The following TRIM3 variants were observed in gnomAD, a reference collection of about 807,000 sequenced individuals.
TRIM3 encodes the protein tripartite motif-containing protein 3.
TRIM3 carries 13 observed loss-of-function variants against 66.6 expected under a neutral mutation model. That is an observed-to-expected ratio of 0.20 (90% CI 0.13 to 0.31). The LOEUF (loss-of-function observed/expected upper bound fraction) is 0.31. Among genes scored for constraint, TRIM3 ranks in the 10% least tolerant of loss-of-function variants. TRIM3 has a pLI of 1.00. For missense variants in TRIM3, 711 were observed against 1,020.4 expected (o/e 0.70, Z 4.13); for synonymous variants, 406 against 411.7 (o/e 0.99, Z 0.17).
In TRIM3 at chr11:6,456,081, C is replaced by A; in HGVS notation, c.1524G>T (p.Gln508His). ...CGGTAAAGGTGCTTACCTGAATACA[C>A]TGGTTGTTGCTGTCTGCTACCACGA... is the stretch of plus-strand genomic sequence containing the variant. Reference protein sequence around the residue: ...GRIVVADSNNQCIQVFSNEGQ... With the variant: ...GRIVVADSNNHCIQVFSNEGQ... The change falls in exon 7 of 12, where the codon CAG (glutamine) becomes CAT (histidine). Residue 508 changes from glutamine (Q) to histidine (H), a missense_variant. Coordinates refer to ENST00000345851, the MANE Select transcript of TRIM3 (RefSeq NM_033278.4). The surrounding 1 kb of genome is among the most constrained non-coding windows in gnomAD (Gnocchi z 6.4). 6.2e-7 allele frequency: 1 copy of A among 1,614,152 alleles called. No homozygotes were observed. The highest frequency in any genetic ancestry group is 8.5e-7 in the Non-Finnish European group (1 of 1,180,014).
chr11:6,457,080 C>A lies in TRIM3; in HGVS notation c.697-51G>T. On this transcript the variant is annotated intron_variant, in intron 5 of 11. Transcript: ENST00000345851. The surrounding 1 kb of genome is among the most constrained non-coding windows in gnomAD (Gnocchi z 4.5). ...GTGAGCAGACTGGCACAGGGGGAGT[C>A]TCTGTGATTACTGAAGTTGTAGCAC... 4 of 1,551,692 alleles carry A rather than the reference C, an allele frequency of 2.6e-6. No homozygotes were observed. The highest frequency in any genetic ancestry group is 3.5e-6 in the Non-Finnish European group (4 of 1,150,810).
At chr11:6,464,175 C>G (rs772041431) in intron 2 of TRIM3, among the ~76,000 whole-genome samples, 3 of 152,188 alleles carry the variant, frequency 2.0e-5, no homozygotes, top group Non-Finnish European at 4.4e-5. Context: ...GTGAAATTCC[C>G]TAACAGGTCT....
rs576656382 is a variant in TRIM3 at position 6,468,235 on chromosome 11, T to G, written c.-37-2503A>C. Among the ~76,000 whole-genome samples the G allele has an allele frequency of 2.0e-5, 3 of 152,354 alleles. No individual in the cohort carries two copies. The East Asian group carries it at 5.8e-4, about 29-fold the overall frequency. ...ATTTTAGCAAGTGATGGGCCATGAA[T>G]AGAGACAGTGAAAGCTGAGGTGGAG... On this transcript the variant is annotated intron_variant, in intron 1 of 11. Coordinates refer to ENST00000345851, the MANE Select transcript of TRIM3 (RefSeq NM_033278.4).
rs1451262415 is a variant in TRIM3 at position 6,451,466 on chromosome 11, C to T, written c.1534-28G>A. ...GGAGCAGAGGAGCAAGGGGAGGGAG[C>T]AGGTAGGAGGGGAGACACTGTGGGC... On this transcript the variant is annotated intron_variant, in intron 7 of 11. Transcript: ENST00000345851. 4 of 1,611,348 alleles carry T rather than the reference C, an allele frequency of 2.5e-6. No homozygotes were observed. The Admixed American group carries it at 5.0e-5, about 20-fold the overall frequency.
In TRIM3 at chr11:6,449,781, C is replaced by G. The variant is rs1367083295; in HGVS notation, c.1942-335G>C. 3.8e-6 allele frequency: 1 copy of G among 260,588 alleles called. No individual in the cohort carries two copies. Among genetic ancestry groups the G allele is most frequent in the Non-Finnish European group, 7.4e-6 (1 of 135,992 alleles). 16.1% of individuals were successfully genotyped at this position (260,588 alleles called of 1,614,324 possible). A position where few individuals can be genotyped will look rare whatever the true frequency, so the allele number is the denominator to read the frequency against. ...TTGATAGGCCAATGAATTAACACAA[C>G]TCTTGATTCCATCTCAAATCCCTCT... On this transcript the variant is annotated intron_variant, in intron 10 of 11. Transcript: ENST00000345851. The surrounding 1 kb of genome is among the most constrained non-coding windows in gnomAD (Gnocchi z 5.3).
At position 6,450,940 on chromosome 11, in the gene TRIM3, G is replaced by C. The variant is rs563863888; in HGVS notation, c.1822C>G (p.Leu608Val). The C allele has an allele frequency of 1.2e-6, 2 of 1,614,206 alleles. No homozygotes were observed. The highest frequency in any genetic ancestry group is 1.1e-5 in the South Asian group (1 of 91,086). Residue 608 changes from leucine to valine, a missense_variant, in exon 9 of 12, where the codon CTG becomes GTG. Coordinates refer to ENST00000345851, the MANE Select transcript of TRIM3 (RefSeq NM_033278.4). The surrounding 1 kb of genome is among the most constrained non-coding windows in gnomAD (Gnocchi z 4.8). ...CCACGGCCCCCAAAACGGCCAACCA[G>C]TTTGCCATTGGGCTGGAAGGTAAAG... Reference protein sequence around the residue: ...CVFTFQPNGKLVGRFGGRGAT... With the variant: ...CVFTFQPNGKVVGRFGGRGAT...
intron 2 of TRIM3, among the ~76,000 whole-genome samples, chr11:6,463,305 A>G (rs1850320981): frequency 6.6e-6 from 1 of 152,254 alleles, no homozygotes; most frequent in African/African-American, 2.4e-5. Context: ...TTAATAAAGT[A>G]TCTGTTGCAG....
intron 1 of TRIM3, among the ~76,000 whole-genome samples, chr11:6,472,931 G>C (rs1320824891): frequency 6.6e-6 from 1 of 152,158 alleles, no homozygotes; most frequent in Non-Finnish European, 1.5e-5. Flanking sequence ...GAGCTAGACA[G>C]ACTGGCCAAG....
chr11:6,457,769 T>C lies in TRIM3; in HGVS notation c.442A>G (p.Thr148Ala). ...CRAGEHREHG[T>A]VLLRDVVEQH... The stretch of plus-strand genomic sequence containing the variant: ...TCCACCACATCCCTCAGCAGCACTG[T>C]GCCATGCTCACGATGCTCCCCGGCG... Residue 148 changes from threonine to alanine, a missense_variant, in exon 4 of 12, where the codon ACA (threonine) becomes GCA (alanine). Coordinates refer to ENST00000345851, the MANE Select transcript of TRIM3 (RefSeq NM_033278.4). This position sits in a 1 kb window ranked among gnomAD's most constrained non-coding sequence, Gnocchi z 4.5. 2 of 1,614,206 alleles carry C rather than the reference T, an allele frequency of 1.2e-6. No individual in the cohort carries two copies. Among genetic ancestry groups the C allele is most frequent in the Non-Finnish European group, 1.7e-6 (2 of 1,180,026 alleles).
chr11:6,474,169 TCGGATCC>T (rs1850840015), upstream of TRIM3: 1 of 151,556 alleles, frequency 6.6e-6, no homozygotes, highest in African/African-American at 2.4e-5. Flanking sequence ...ATCCCGGATC[TCGGATCC>T]CGGATCTCCG....
chr11:6,466,860 G>A (rs561329624), intron 1 of TRIM3, among the ~76,000 whole-genome samples: 1 of 152,310 alleles, frequency 6.6e-6, no homozygotes, highest in Non-Finnish European at 1.5e-5. Context: ...AAGCTATGCT[G>A]TAATGTTCTT....
Position 6,456,102 on chromosome 11 carries a change from C to G in TRIM3, c.1503G>C (p.Val501=). ...TACACTGGTTGTTGCTGTCTGCTACCACGATGCGGCCGCTGCTGGCTGCGG... is the reference window on the plus strand; with the variant it reads ...TACACTGGTTGTTGCTGTCTGCTACGACGATGCGGCCGCTGCTGGCTGCGG... ...GVSAASSGRI[V]VADSNNQCIQ... Residue 501 remains valine, a synonymous_variant, in exon 7 of 12, where the codon GTG becomes GTC. Transcript: ENST00000345851. The surrounding 1 kb of genome is among the most constrained non-coding windows in gnomAD (Gnocchi z 6.4). 6.2e-7 allele frequency: 1 copy of G among 1,614,160 alleles called. No individual in the cohort carries two copies. Among genetic ancestry groups the G allele is most frequent in the Non-Finnish European group, 8.5e-7 (1 of 1,180,040 alleles).
chr11:6,450,337 C>A lies in TRIM3; in HGVS notation c.1941+214G>T. 1 of 575,778 alleles carries A rather than the reference C, an allele frequency of 1.7e-6. No individual in the cohort carries two copies. Among genetic ancestry groups the A allele is most frequent in the Non-Finnish European group, 3.1e-6 (1 of 323,454 alleles). 35.7% of individuals were successfully genotyped at this position (575,778 alleles called of 1,614,324 possible). On this transcript the variant is annotated intron_variant, in intron 10 of 11. Coordinates refer to ENST00000345851, the MANE Select transcript of TRIM3 (RefSeq NM_033278.4). This position sits in a 1 kb window ranked among gnomAD's most constrained non-coding sequence, Gnocchi z 4.8. ...TTTCTCTTCCCTACTAGACTATAAT[C>A]AAGAAGACACAGAATACATTTGCTT...
rs1040556115 is a variant in TRIM3, at chr11:6,451,200, C to T, written c.1701+71G>A. 19 of 1,596,848 alleles carry T rather than the reference C, an allele frequency of 1.2e-5. No individual in the cohort carries two copies. The African/African-American group carries it at 2.4e-4, about 20-fold the overall frequency. ...AGGATTGGATCAGTCCAGACCCTGA[C>T]CACCAAGAGGCACTAGACTGGTCAG... On this transcript the variant is annotated intron_variant, in intron 8 of 11. Coordinates refer to ENST00000345851, the MANE Select transcript of TRIM3 (RefSeq NM_033278.4).
intron 7 of TRIM3, among the ~76,000 whole-genome samples, chr11:6,455,184 C>T (rs192002688): frequency 6.6e-6 from 1 of 152,236 alleles, no homozygotes; most frequent in Admixed American, 6.5e-5. Context: ...TAGCTAACAT[C>T]AGAAGTTTCA....
At chr11:6,465,878 A>C in intron 1 of TRIM3, 146 bp from the exon 2 acceptor site, 1 of 677,688 alleles carries the variant, frequency 1.5e-6, no homozygotes, top group Middle Eastern at 4.1e-4. Context: ...GATCAGGGTG[A>C]TGTGACCTCT....
rs151216179 is a variant in TRIM3 at position 6,462,123 on chromosome 11, G to A, written c.131+3442C>T. Among the ~76,000 whole-genome samples, 7 of 152,284 alleles carry A rather than the reference G, an allele frequency of 4.6e-5. No individual in the cohort carries two copies. In the East Asian group the frequency reaches 1.4e-3, roughly 29 times the overall value. On this transcript the variant is annotated intron_variant, in intron 2 of 11. Coordinates refer to ENST00000345851, the MANE Select transcript of TRIM3 (RefSeq NM_033278.4). ...CTTATCCTCAGAACTCAGGTCAAAT[G>A]TCACCTCCTCAGGGAAGCCTTCCTT...
intron 7 of TRIM3, 37 bp from the exon 8 acceptor site, chr11:6,451,475 G>A: frequency 9.3e-6 from 15 of 1,608,234 alleles, no homozygotes; most frequent in Non-Finnish European, 1.3e-5. Flanking sequence ...GCAGGTAGGA[G>A]GGGAGACACT....
At chr11:6,455,993 T>G (rs1357859150) in intron 7 of TRIM3, 79 bp downstream of exon 7, 1 of 1,392,510 alleles carries the variant, frequency 7.2e-7, no homozygotes, top group Non-Finnish European at 1.0e-6. Context: ...GGAGGTGACC[T>G]GTACATTCTA....
Sources: gnomAD v4.1 joint callset for allele counts (sites outside exome capture counted in the v4.1 genomes callset) on GRCh38, gnomAD v4.1.1 for gene constraint, Gnocchi (gnomAD v3.1) non-coding constraint, MANE v1.5 for transcripts, NCBI Gene and HGNC (gene_info 2026-07-23, HGNC 2026-07-21) for gene names.